Variants in AEN observed in about 807,000 individuals in gnomAD.
AEN encodes the protein apoptosis enhancing nuclease.
In AEN, 21 loss-of-function variants were observed where a neutral mutation model predicts 17.7. The observed-to-expected ratio is 1.19, with a 90% CI of 0.84 to 1.71. The LOEUF (loss-of-function observed/expected upper bound fraction) is 1.71, where lower values mean the gene tolerates loss of function less well. Ranked by LOEUF, AEN falls within the 40% of genes most tolerant of loss-of-function variation. The pLI, the probability that AEN is intolerant of heterozygous loss-of-function variation, is 0.00. For missense variants in AEN, 462 were observed against 435.9 expected (o/e 1.06, Z -0.53); for synonymous variants, 190 against 173.0 (o/e 1.10, Z -0.77).
chr15:88,629,366 C>T lies in AEN; in HGVS notation c.681C>T (p.His227=), dbSNP rs917880068. The change falls in exon 3 of 4, where the codon CAC becomes CAT. Residue 227 remains histidine, a synonymous_variant. Coordinates refer to ENST00000332810, the MANE Select transcript of AEN (RefSeq NM_022767.4). ...ACTTCCTCAGCGAGCCCGGCCTCCA[C>T]ACCCGGGCCCGGGTCTCTCTAAAGG... ...VPNFLSEPGL[H]TRARVSLKDL... The T allele has an allele frequency of 6.2e-7, 1 of 1,614,142 alleles. No individual in the cohort carries two copies. Among genetic ancestry groups the T allele is most frequent in the Non-Finnish European group, 8.5e-7 (1 of 1,180,016 alleles).
intron 1 of AEN, among the ~76,000 whole-genome samples, chr15:88,622,785 G>A (rs972227422): frequency 1.3e-5 from 2 of 152,192 alleles, no homozygotes; most frequent in Non-Finnish European, 2.9e-5. Context: ...GGTGCGTGGC[G>A]CCGGGCTGCC....
the AEN span, among the ~76,000 whole-genome samples, chr15:88,605,294 A>G: frequency 6.6e-6 from 1 of 152,128 alleles, no homozygotes; most frequent in African/African-American, 2.4e-5. This position sits in a 1 kb window ranked among gnomAD's most constrained non-coding sequence, Gnocchi z 7.6. Flanking sequence ...AGACGGCCCC[A>G]CAGCCTCGCG....
At position 88,630,380 on chromosome 15, in the gene AEN, C is replaced by A; in HGVS notation, c.*86C>A. On this transcript the variant is annotated 3_prime_UTR_variant, in exon 4 of 4. Transcript: ENST00000332810. The surrounding 1 kb of genome is among the most constrained non-coding windows in gnomAD (Gnocchi z 5.1). Reference sequence around the variant, plus strand: ...AGAGCAGCGGGCACTCCTTCCTGGGCAGGGTGGGGCAGGATGCAGTGAGCC... The same window carrying A: ...AGAGCAGCGGGCACTCCTTCCTGGGAAGGGTGGGGCAGGATGCAGTGAGCC... The A allele has an allele frequency of 7.7e-7, 1 of 1,303,556 alleles. No homozygotes were observed. The highest frequency in any genetic ancestry group is 1.1e-6 in the Non-Finnish European group (1 of 937,340). The allele number at this position is 1,303,556 out of a possible 1,614,324, so 80.7% of individuals were successfully genotyped here.
chr15:88,614,234 T>G, the AEN span, among the ~76,000 whole-genome samples: 1 of 152,112 alleles, frequency 6.6e-6, no homozygotes, highest in African/African-American at 2.4e-5. Context: ...GGGTCTGGCT[T>G]TGTCACCCAG....
At position 88,626,444 on chromosome 15, in the gene AEN, A is replaced by G. The variant is rs376112592; in HGVS notation, c.235A>G (p.Ser79Gly). 2.7e-5 allele frequency: 44 copies of G among 1,613,658 alleles called. No individual in the cohort carries two copies. Among genetic ancestry groups the G allele is most frequent in the Middle Eastern group, 1.6e-4 (1 of 6,082 alleles). Residue 79 changes from serine (S) to glycine (G), a missense_variant, in exon 2 of 4, where the codon AGT becomes GGT. Transcript: ENST00000332810. ...GAATATEAAS[S>G]GKQCLRAGSG... ...AGCGACAGCAACTGAAGCTGCCAGC[A>G]GTGGGAAGCAGTGTCTGAGGGCTGG... is the stretch of plus-strand genomic sequence containing the variant.
In AEN at chr15:88,626,266, C is replaced by G; in HGVS notation, c.57C>G (p.Ile19Met). 1 of 1,613,274 alleles carries G rather than the reference C, an allele frequency of 6.2e-7. No individual in the cohort carries two copies. The highest frequency in any genetic ancestry group is 8.5e-7 in the Non-Finnish European group (1 of 1,179,750). The change falls in exon 2 of 4, where the codon ATC (isoleucine) becomes ATG (methionine). Residue 19 changes from isoleucine (I) to methionine (M), a missense_variant. Transcript: ENST00000332810. ...SAQCLCPSLT[I>M]PNAKDVLRKR... ...AGTGCCTGTGCCCTTCCCTCACCAT[C>G]CCAAATGCCAAGGATGTGCTTCGGA...
chr15:88,605,394 G>C, the AEN span, among the ~76,000 whole-genome samples: 2 of 152,216 alleles, frequency 1.3e-5, no homozygotes, highest in East Asian at 1.9e-4. This position sits in a 1 kb window ranked among gnomAD's most constrained non-coding sequence, Gnocchi z 7.6. Flanking sequence ...CAGCTGACTT[G>C]TTGCATGCAG....
chr15:88,613,594 G>A, the AEN span, among the ~76,000 whole-genome samples: 125 of 151,186 alleles, frequency 8.3e-4, no homozygotes, highest in Non-Finnish European at 1.5e-3. Context: ...CTCGGGGGGG[G>A]ATGTGGGGTG....
chr15:88,629,989 CCTTG>C lies in AEN; in HGVS notation c.742-65_742-62del, dbSNP rs1339542107. On this transcript the variant is annotated intron_variant, in intron 3 of 3. Coordinates refer to ENST00000332810, the MANE Select transcript of AEN (RefSeq NM_022767.4). The stretch of plus-strand genomic sequence containing the variant: ...TGCACAAAGAGCCCTGGGAAACTGG[CCTTG>C]CTTCTTGGGGTAACAGGCCTCTCAC... 6.1e-6 allele frequency: 9 copies of C among 1,477,642 alleles called. No homozygotes were observed. In the African/African-American group the frequency reaches 1.1e-4, roughly 18 times the overall value. 91.5% of individuals were successfully genotyped at this position (1,477,642 alleles called of 1,614,324 possible).
chr15:88,607,876 G>A, the AEN span, among the ~76,000 whole-genome samples: 1 of 152,130 alleles, frequency 6.6e-6, no homozygotes, highest in African/African-American at 2.4e-5. Flanking sequence ...TCTCTCCCAT[G>A]TTACTATAGA....
intron 2 of AEN, chr15:88,627,202 A>T (rs1446929162): frequency 1.1e-5 from 2 of 184,422 alleles, no homozygotes; most frequent in African/African-American, 4.8e-5. Flanking sequence ...GCTTGACCTT[A>T]GAAACACCTA....
chr15:88,626,159 T>G lies in AEN; in HGVS notation c.-51T>G. ...TTCTCTCTTCAGGCTGCTGCCCCATTGGAAGATTACTCCCCAGGCTTCCCT... is the reference window on the plus strand; with the variant it reads ...TTCTCTCTTCAGGCTGCTGCCCCATGGGAAGATTACTCCCCAGGCTTCCCT... On this transcript the variant is annotated 5_prime_UTR_variant, in exon 2 of 4. It adds an upstream start codon to the 5' untranslated region. Transcript: ENST00000332810. 6.6e-7 allele frequency: 1 copy of G among 1,517,242 alleles called. No individual in the cohort carries two copies. The allele number at this position is 1,517,242 out of a possible 1,614,324, so 94.0% of individuals were successfully genotyped here. A position where few individuals can be genotyped will look rare whatever the true frequency, so the allele number is the denominator to read the frequency against.
chr15:88,604,866 G>C, the AEN span: 1 of 152,356 alleles, frequency 6.6e-6, no homozygotes, highest in Non-Finnish European at 1.5e-5. The surrounding 1 kb of genome is among the most constrained non-coding windows in gnomAD (Gnocchi z 8.1). Flanking sequence ...CAAAGTACCG[G>C]CAGCTGGGTG....
chr15:88,626,893 A>G, intron 2 of AEN, 144 bp downstream of exon 2: 1 of 876,686 alleles, frequency 1.1e-6, no homozygotes, highest in Non-Finnish European at 1.7e-6. Flanking sequence ...TTCCTTCTCC[A>G]TAGAACAGGG....
At chr15:88,605,433 C>T in the AEN span, among the ~76,000 whole-genome samples, 4 of 152,224 alleles carry the variant, frequency 2.6e-5, no homozygotes, top group African/African-American at 4.8e-5. This position sits in a 1 kb window ranked among gnomAD's most constrained non-coding sequence, Gnocchi z 7.6. Flanking sequence ...CGTTCCAAGC[C>T]TCTCCTCTTT....
the AEN span, among the ~76,000 whole-genome samples, chr15:88,607,162 C>G: frequency 1.3e-5 from 2 of 152,224 alleles, no homozygotes; most frequent in Admixed American, 1.3e-4. Flanking sequence ...ATAGAAAGCA[C>G]AGGTAGAGGG....
chr15:88,607,807 C>T, the AEN span, among the ~76,000 whole-genome samples: 1 of 152,234 alleles, frequency 6.6e-6, no homozygotes, highest in Non-Finnish European at 1.5e-5. Context: ...AAAATTCGCT[C>T]GGTGAACTGA....
At chr15:88,626,951 CCTGTT>C in intron 2 of AEN, 1 of 610,882 alleles carries the variant, frequency 1.6e-6, no homozygotes, top group South Asian at 2.0e-5. Flanking sequence ...GGATTGCTGG[CCTGTT>C]GCACAGGACA....
upstream of AEN, among the ~76,000 whole-genome samples, chr15:88,620,151 G>T (rs1250900667): frequency 3.3e-5 from 5 of 151,964 alleles, no homozygotes; most frequent in Non-Finnish European, 1.5e-5. Flanking sequence ...CTCATCACAG[G>T]TACGTTTCCA....
Sources: gnomAD v4.1 joint callset for allele counts (sites outside exome capture counted in the v4.1 genomes callset) on GRCh38, gnomAD v4.1.1 for gene constraint, Gnocchi (gnomAD v3.1) non-coding constraint, MANE v1.5 for transcripts, NCBI Gene and HGNC (gene_info 2026-07-23, HGNC 2026-07-21) for gene names.